The following GRIK1 variants were observed in gnomAD, a reference collection of about 807,000 sequenced individuals.
GRIK1 encodes the protein glutamate receptor ionotropic, kainate 1.
Under a neutral mutation model 105.7 loss-of-function variants are expected in GRIK1, and 69 were observed. The ratio of observed to expected loss-of-function variants is 0.65; its 90% CI spans 0.54 to 0.80. The LOEUF (loss-of-function observed/expected upper bound fraction) is 0.80, where lower values mean the gene tolerates loss of function less well. Among genes scored for constraint, GRIK1 ranks in the 30% least tolerant of loss-of-function variants. The pLI, the probability that GRIK1 is intolerant of heterozygous loss-of-function variation, is 0.00. For synonymous variants in GRIK1, 438 were observed against 431.3 expected, an observed-to-expected ratio of 1.02 and a Z score of -0.19; for missense variants, 1,109 against 1,167.3, an observed-to-expected ratio of 0.95 and a Z score of 0.73.
chr21:29,636,162 C>A (rs536115033), intron 7 of GRIK1, among the ~76,000 whole-genome samples: 2 of 152,270 alleles, frequency 1.3e-5, no homozygotes, highest in East Asian at 1.9e-4. Flanking sequence ...ATTCATCCCC[C>A]CTCCGTCATG....
At chr21:29,724,586 T>C (rs2064406499) in intron 1 of GRIK1, among the ~76,000 whole-genome samples, 1 of 152,250 alleles carries the variant, frequency 6.6e-6, no homozygotes, top group African/African-American at 2.4e-5. Flanking sequence ...AGAGACGTTT[T>C]ATGATACTGT....
chr21:29,927,759 T>G (rs1256249391), intron 1 of GRIK1, among the ~76,000 whole-genome samples: 2 of 152,032 alleles, frequency 1.3e-5, no homozygotes, highest in East Asian at 3.9e-4. Context: ...TAGTCCCAGC[T>G]ACTTAGGATG....
chr21:29,553,207 G>T (rs997204206), intron 16 of GRIK1: 1 of 991,048 alleles, frequency 1.0e-6, no homozygotes, highest in Non-Finnish European at 1.2e-6. Flanking sequence ...AATTAGCATC[G>T]TGTTTCCATG....
intron 4 of GRIK1, among the ~76,000 whole-genome samples, chr21:29,665,972 C>G (rs1284237421): frequency 3.9e-5 from 6 of 152,130 alleles, no homozygotes; most frequent in Non-Finnish European, 8.8e-5. Context: ...TTATTTTTTT[C>G]TGTTAGGGAA....
At chr21:29,924,655 G>A (rs916393823) in intron 1 of GRIK1, among the ~76,000 whole-genome samples, 9 of 151,930 alleles carry the variant, frequency 5.9e-5, no homozygotes, top group South Asian at 2.1e-4. Context: ...ATTCTCCCCC[G>A]ACCTTTTTTG....
At chr21:29,853,021 C>G (rs1275628404) in intron 1 of GRIK1, among the ~76,000 whole-genome samples, 5 of 152,156 alleles carry the variant, frequency 3.3e-5, no homozygotes, top group African/African-American at 1.2e-4. Context: ...TCTTAAAGTA[C>G]TATTTTGTGT....
intron 7 of GRIK1, among the ~76,000 whole-genome samples, chr21:29,613,481 C>T (rs1024749171): frequency 1.3e-5 from 2 of 152,160 alleles, no homozygotes; most frequent in African/African-American, 4.8e-5. Flanking sequence ...CTCCATAGAT[C>T]TTTGTCTGAT....
intron 12 of GRIK1, 35 bp from the exon 13 acceptor site, chr21:29,581,578 A>G: frequency 7.9e-7 from 1 of 1,258,500 alleles, no homozygotes; most frequent in South Asian, 1.2e-5. Flanking sequence ...TGTAAATATC[A>G]GAGAAACACA....
chr21:29,770,179 C>G (rs1231810149), intron 1 of GRIK1, among the ~76,000 whole-genome samples: 7 of 152,140 alleles, frequency 4.6e-5, no homozygotes, highest in Admixed American at 4.6e-4. Flanking sequence ...AGACAACTCG[C>G]GTTTTAAATT....
At chr21:29,586,097 G>C (rs2091125732) in intron 12 of GRIK1, among the ~76,000 whole-genome samples, 1 of 152,150 alleles carries the variant, frequency 6.6e-6, no homozygotes, top group Admixed American at 6.5e-5. Context: ...CTGATTTAGA[G>C]TATTAAAATA....
chr21:29,861,726 A>AT, intron 1 of GRIK1: 2 of 425,016 alleles, frequency 4.7e-6, no homozygotes, highest in South Asian at 3.4e-5. Context: ...GATTATATGC[A>AT]TTTTTCTTGT....
chr21:29,590,287 T>C (rs753035445), intron 10 of GRIK1, among the ~76,000 whole-genome samples: 12 of 152,168 alleles, frequency 7.9e-5, no homozygotes, highest in Non-Finnish European at 1.6e-4. Flanking sequence ...AAGTTAATAA[T>C]ATCAACAATA....
At chr21:29,602,727 C>G (rs1465875173) in intron 7 of GRIK1, among the ~76,000 whole-genome samples, 2 of 152,036 alleles carry the variant, frequency 1.3e-5, no homozygotes, top group Non-Finnish European at 2.9e-5. Context: ...AGAAATGATG[C>G]GAAATGAGCC....
chr21:29,608,306 T>C (rs1250214938), intron 7 of GRIK1, among the ~76,000 whole-genome samples: 1 of 152,132 alleles, frequency 6.6e-6, no homozygotes, highest in Non-Finnish European at 1.5e-5. Context: ...TGTTCCAAAG[T>C]ATGAAACAGT....
At position 29,537,561 on chromosome 21, in the gene GRIK1, CGGGGAAACTGAGAT is replaced by C. The variant is rs575827348; in HGVS notation, c.2695-190_2695-177del. 1,465 of 657,306 alleles carry C rather than the reference CGGGGAAACTGAGAT, an allele frequency of 2.2e-3. 9 individuals carry two copies. The highest frequency in any genetic ancestry group is 1.3e-3 in the Non-Finnish European group (492 of 370,420). 40.7% of individuals were successfully genotyped at this position (657,306 alleles called of 1,614,324 possible). The stretch of plus-strand genomic sequence containing the variant: ...CCGCTGGCCACCCACCTTTTCTAAT[CGGGGAAACTGAGAT>C]GGCAAGTTAGCTGGGCAAACTTTGG... On this transcript the variant is annotated intron_variant, in intron 17 of 17. Coordinates refer to ENST00000327783, the MANE Select transcript of GRIK1 (RefSeq NM_001330994.2).
chr21:29,828,953 C>A (rs911910246), intron 1 of GRIK1, among the ~76,000 whole-genome samples: 1 of 152,100 alleles, frequency 6.6e-6, no homozygotes, highest in Admixed American at 6.6e-5. Flanking sequence ...CCAAAGCAAA[C>A]CTTTTAACTC....
chr21:29,894,789 G>A (rs991238231), intron 1 of GRIK1, among the ~76,000 whole-genome samples: 1 of 152,098 alleles, frequency 6.6e-6, no homozygotes, highest in South Asian at 2.1e-4. Flanking sequence ...GCCAAAAATT[G>A]ATGAGTGCCC....
At chr21:29,831,779 C>T (rs2067649123) in intron 1 of GRIK1, among the ~76,000 whole-genome samples, 1 of 152,038 alleles carries the variant, frequency 6.6e-6, no homozygotes, top group Non-Finnish European at 1.5e-5. Flanking sequence ...ACCATTCTGC[C>T]CCCAGCCCCT....
intron 7 of GRIK1, among the ~76,000 whole-genome samples, chr21:29,641,892 G>A (rs559197790): frequency 9.2e-5 from 14 of 152,228 alleles, no homozygotes; most frequent in Admixed American, 2.6e-4. Flanking sequence ...CAAAGCAGGT[G>A]TCTTTCCTTA....
Sources: gnomAD v4.1 joint callset for allele counts (sites outside exome capture counted in the v4.1 genomes callset) on GRCh38, gnomAD v4.1.1 for gene constraint, MANE v1.5 for transcripts, NCBI Gene and HGNC (gene_info 2026-07-23, HGNC 2026-07-21) for gene names.